MKLN1: variants seen among roughly 807,000 people sequenced by gnomAD.
The protein encoded by MKLN1 is muskelin 1.
Under a neutral mutation model 99.0 loss-of-function variants are expected in MKLN1, and 18 were observed. The observed-to-expected ratio is 0.18, with a 90% CI of 0.13 to 0.27. The LOEUF (loss-of-function observed/expected upper bound fraction) is 0.27. Ranked by LOEUF, MKLN1 falls within the 10% of genes least tolerant of loss-of-function variation. MKLN1 has a pLI of 1.00. For synonymous variants in MKLN1, 288 were observed against 293.2 expected, an observed-to-expected ratio of 0.98 and a Z score of 0.18; for missense variants, 621 against 875.9, an observed-to-expected ratio of 0.71 and a Z score of 3.67.
chr7:131,150,826 G>A (rs1355643714), intron 2 of MKLN1, among the ~76,000 whole-genome samples: 1 of 151,678 alleles, frequency 6.6e-6, no homozygotes, highest in Non-Finnish European at 1.5e-5. Flanking sequence ...GAGCTGACGA[G>A]GGTTTATTTA....
At chr7:131,328,375 T>C (rs1032189686) in intron 1 of MKLN1, among the ~76,000 whole-genome samples, 1 of 152,138 alleles carries the variant, frequency 6.6e-6, no homozygotes, top group African/African-American at 2.4e-5. Context: ...CTACCCCGAA[T>C]GTCTGAGGTC....
At chr7:131,154,033 G>T (rs1309481951) in intron 2 of MKLN1, among the ~76,000 whole-genome samples, 1 of 152,010 alleles carries the variant, frequency 6.6e-6, no homozygotes, top group African/African-American at 2.4e-5. Flanking sequence ...ATGGGGGGAG[G>T]AATGTGAGTC....
At chr7:131,463,487 G>T in intron 13 of MKLN1, 123 bp downstream of exon 13, 3 of 1,047,222 alleles carry the variant, frequency 2.9e-6, no homozygotes, top group Non-Finnish European at 4.3e-6. Flanking sequence ...TTAAAAGTCA[G>T]TATTGGAAAA....
chr7:131,174,843 G>A (rs1796269449), intron 2 of MKLN1, among the ~76,000 whole-genome samples: 1 of 152,098 alleles, frequency 6.6e-6, no homozygotes, highest in South Asian at 2.1e-4. Flanking sequence ...TTGTACTCTT[G>A]AGTAGAGTTA....
chr7:131,449,445 A>G (rs1160214727), intron 12 of MKLN1, among the ~76,000 whole-genome samples: 2 of 152,150 alleles, frequency 1.3e-5, no homozygotes, highest in African/African-American at 2.4e-5. Context: ...ATATTTTCCA[A>G]GTGGTTAATT....
In MKLN1 at chr7:131,153,957, C is replaced by G. The variant is rs529021544; in HGVS notation, c.-297+11016C>G. Among the ~76,000 whole-genome samples the G allele has an allele frequency of 1.2e-4, 18 of 152,084 alleles. 1 individual carries two copies. In the South Asian group the frequency reaches 3.5e-3, roughly 30 times the overall value. On this transcript the variant is annotated intron_variant, in intron 2 of 7. Transcript: ENST00000416992. ...GGATTATAGGCATGAGCCACTGCAC[C>G]TGGCCAGAAGTAGGATCTTTAAATA...
chr7:131,305,013 G>A (rs921027894), intron 3 of MKLN1, among the ~76,000 whole-genome samples: 13 of 152,240 alleles, frequency 8.5e-5, no homozygotes, highest in South Asian at 8.3e-4. Flanking sequence ...ACAGCCATCC[G>A]TCCCCTCTGG....
At chr7:131,481,680 A>G (rs1225047836) in intron 17 of MKLN1, among the ~76,000 whole-genome samples, 1 of 152,128 alleles carries the variant, frequency 6.6e-6, no homozygotes, top group Non-Finnish European at 1.5e-5. Context: ...ATGCCTATTT[A>G]GAGTTCCTGG....
chr7:131,291,776 A>AG (rs1464034389), intron 3 of MKLN1, among the ~76,000 whole-genome samples: 21 of 150,082 alleles, frequency 1.4e-4, no homozygotes, highest in South Asian at 1.0e-3. Context: ...TTAAAAAAAA[A>AG]AAAGAAAAAA....
intron 3 of MKLN1, among the ~76,000 whole-genome samples, chr7:131,299,801 T>C (rs1048540121): frequency 1.1e-4 from 16 of 152,230 alleles, no homozygotes; most frequent in Admixed American, 1.0e-3. Context: ...AGGAATGCTA[T>C]GTTTTCTAGG....
intron 2 of MKLN1, among the ~76,000 whole-genome samples, chr7:131,151,424 A>G (rs969717581): frequency 6.6e-6 from 1 of 152,050 alleles, no homozygotes; most frequent in South Asian, 2.1e-4. Flanking sequence ...TAAAAAGGAG[A>G]AAAAAAATGA....
intron 1 of MKLN1, among the ~76,000 whole-genome samples, chr7:131,140,856 T>G (rs12534997): frequency 0.32 from 49,030 of 151,600 alleles, 9,370 homozygotes; most frequent in Non-Finnish European, 0.45. Context: ...CTTGGCTCAC[T>G]GCAATCTCCG....
At chr7:131,148,148 A>C (rs1353583566) in intron 2 of MKLN1, among the ~76,000 whole-genome samples, 1 of 152,090 alleles carries the variant, frequency 6.6e-6, no homozygotes. Flanking sequence ...TCTTGGGCTC[A>C]AGTCATCCTC....
chr7:131,273,409 G>A (rs944859773), intron 3 of MKLN1, among the ~76,000 whole-genome samples: 1 of 152,192 alleles, frequency 6.6e-6, no homozygotes, highest in African/African-American at 2.4e-5. Flanking sequence ...GTGGCCTGTG[G>A]GGTGCCCCTG....
rs1159678778 is a variant in MKLN1, at chr7:131,496,188, C to T, written c.*8460C>T. ...AACTTGTTTGGTTCTACTCTTACCC[C>T]CTCTTCTGTGGCAATGTGGGGTCAG... On this transcript the variant is annotated 3_prime_UTR_variant, in exon 18 of 18. Coordinates refer to ENST00000352689, the MANE Select transcript of MKLN1 (RefSeq NM_013255.5). The T allele has an allele frequency of 1.3e-5, 2 of 152,094 alleles. No individual in the cohort carries two copies. The highest frequency in any genetic ancestry group is 4.1e-4 in the South Asian group (2 of 4,826). The allele number at this position is 152,094 out of a possible 1,614,324, so 9.4% of individuals were successfully genotyped here.
At position 131,382,359 on chromosome 7, in the gene MKLN1, A is replaced by G. The variant is rs550193330; in HGVS notation, c.169-4761A>G. 8.5e-5 allele frequency among the ~76,000 whole-genome samples: 13 copies of G among 152,050 alleles called. No individual in the cohort carries two copies. In the East Asian group the frequency reaches 2.5e-3, roughly 29 times the overall value. On this transcript the variant is annotated intron_variant, in intron 2 of 17. Coordinates refer to ENST00000352689, the MANE Select transcript of MKLN1 (RefSeq NM_013255.5). The stretch of plus-strand genomic sequence containing the variant: ...CAGCCAGGGCGACAGACAAGGCGAG[A>G]ATCTTTCTCCCAAAAAAAAAACAAA...
At chr7:131,417,137 G>A (rs1288985201) in intron 8 of MKLN1, among the ~76,000 whole-genome samples, 1 of 151,984 alleles carries the variant, frequency 6.6e-6, no homozygotes, top group Non-Finnish European at 1.5e-5. Flanking sequence ...ATCTCTTTTT[G>A]ATAGCTTCTA....
chr7:131,476,303 A>G (rs1479197445), intron 16 of MKLN1, among the ~76,000 whole-genome samples: 5 of 152,206 alleles, frequency 3.3e-5, no homozygotes, highest in Non-Finnish European at 7.3e-5. Context: ...TAGCTAGTGT[A>G]ATAAAGAAAA....
intron 2 of MKLN1, among the ~76,000 whole-genome samples, chr7:131,188,694 T>G (rs536449902): frequency 1.1e-4 from 17 of 152,280 alleles, no homozygotes; most frequent in African/African-American, 4.1e-4. Flanking sequence ...CTCCAGCTCT[T>G]GATGGGAGGA....
Sources: gnomAD v4.1 joint callset for allele counts (sites outside exome capture counted in the v4.1 genomes callset) on GRCh38, gnomAD v4.1.1 for gene constraint, MANE v1.5 for transcripts, NCBI Gene and HGNC (gene_info 2026-07-23, HGNC 2026-07-21) for gene names.